The following WDPCP variants were observed in gnomAD, a reference collection of about 807,000 sequenced individuals.
WDPCP encodes WD repeat-containing and planar cell polarity effector protein fritz homolog.
Under a neutral mutation model 93.1 loss-of-function variants are expected in WDPCP, and 71 were observed. The ratio of observed to expected loss-of-function variants is 0.76; its 90% CI spans 0.63 to 0.93. The LOEUF is 0.93. WDPCP is among the 40% of genes least tolerant of loss of function. The probability of loss-of-function intolerance (pLI) is 0.00; values close to 1 mark genes in which losing one functional copy is unlikely to be tolerated. For synonymous variants in WDPCP, 315 were observed against 315.0 expected (o/e 1.00, Z 0.00); for missense variants, 844 against 887.4 (o/e 0.95, Z 0.62).
chr2:63,462,114 T>C (rs866885336), intron 6 of WDPCP, among the ~76,000 whole-genome samples: 9 of 152,310 alleles, frequency 5.9e-5, no homozygotes, highest in South Asian at 2.1e-4. Flanking sequence ...TGTCCATCAA[T>C]GATAGGCTGG....
intron 1 of WDPCP, among the ~76,000 whole-genome samples, chr2:63,513,115 A>T (rs895046169): frequency 8.5e-5 from 13 of 152,140 alleles, no homozygotes; most frequent in African/African-American, 3.1e-4. Flanking sequence ...GAGGCTTCTG[A>T]ACTTACTTAA....
rs181282320 is a variant in WDPCP at position 63,222,514 on chromosome 2, C to G, written c.1915+36793G>C. ...ACCTGCAGTTCTGGTGACAACGTAA[C>G]TCCTCTGTCTCCTCATCTGAGAAGA... is the stretch of plus-strand genomic sequence containing the variant. On this transcript the variant is annotated intron_variant, in intron 14 of 17. Coordinates refer to ENST00000272321, the MANE Select transcript of WDPCP (RefSeq NM_015910.7). Among the ~76,000 whole-genome samples, 20 of 152,318 alleles carry G rather than the reference C, an allele frequency of 1.3e-4. No homozygotes were observed. In the East Asian group the frequency reaches 2.1e-3, roughly 16 times the overall value.
intron 1 of WDPCP, among the ~76,000 whole-genome samples, chr2:63,819,447 A>G (rs1670987148): frequency 6.6e-6 from 1 of 152,112 alleles, no homozygotes; most frequent in African/African-American, 2.4e-5. Context: ...ATAGTCATAA[A>G]CCAGCAGGTG....
chr2:63,196,737 A>G (rs1376479862), intron 14 of WDPCP, among the ~76,000 whole-genome samples: 1 of 152,238 alleles, frequency 6.6e-6, no homozygotes, highest in Non-Finnish European at 1.5e-5. Flanking sequence ...TGTTTAATGT[A>G]GACAAAAGTG....
At chr2:63,382,211 T>A in intron 10 of WDPCP, 117 bp from the exon 11 acceptor site, 1 of 979,444 alleles carries the variant, frequency 1.0e-6, no homozygotes, top group Non-Finnish European at 1.5e-6. Context: ...GCTAGAAATG[T>A]GGGACTGATC....
intron 6 of WDPCP, among the ~76,000 whole-genome samples, chr2:63,460,251 A>G (rs547304679): frequency 6.6e-6 from 1 of 152,282 alleles, no homozygotes; most frequent in Admixed American, 6.5e-5. Context: ...CAGGTACTAC[A>G]TGTTCTTACT....
intron 6 of WDPCP, among the ~76,000 whole-genome samples, chr2:63,469,202 T>A (rs1468197013): frequency 6.6e-6 from 1 of 152,142 alleles, no homozygotes; most frequent in African/African-American, 2.4e-5. Flanking sequence ...ACATAACAGA[T>A]GCTGGTGAGG....
intron 3 of WDPCP, among the ~76,000 whole-genome samples, chr2:63,638,667 T>C (rs1381172291): frequency 6.6e-6 from 1 of 152,028 alleles, no homozygotes; most frequent in African/African-American, 2.4e-5. Context: ...TACATGCCTG[T>C]AGTCCTAGCT....
At chr2:63,811,643 T>C (rs921865232) in intron 2 of WDPCP, among the ~76,000 whole-genome samples, 4 of 151,246 alleles carry the variant, frequency 2.6e-5, no homozygotes, top group African/African-American at 9.7e-5. Context: ...GGAGTACATG[T>C]GCAGGTATGT....
At chr2:63,527,433 C>A (rs1199389477) in intron 1 of WDPCP, among the ~76,000 whole-genome samples, 3 of 145,832 alleles carry the variant, frequency 2.1e-5, no homozygotes, top group African/African-American at 5.0e-5. Flanking sequence ...AGTGTTCTCA[C>A]TGTTCAATTC....
rs146092262 is a variant in WDPCP, at chr2:63,429,645, C to A, written c.825+4100G>T. Among the ~76,000 whole-genome samples, 597 of 152,214 alleles carry A rather than the reference C, an allele frequency of 3.9e-3. 6 individuals carry two copies. Among genetic ancestry groups the A allele is most frequent in the African/African-American group, 0.013 (555 of 41,524 alleles). On this transcript the variant is annotated intron_variant, in intron 9 of 17. Transcript: ENST00000272321. ...TCAAAACCAAAATGAGATACCATCT[C>A]ACACCAGTCAGAATGGCTTTTGTTA...
intron 2 of WDPCP, among the ~76,000 whole-genome samples, chr2:63,780,886 T>C (rs1033989964): frequency 6.6e-6 from 1 of 151,968 alleles, no homozygotes; most frequent in African/African-American, 2.4e-5. Flanking sequence ...TAAAACAAAA[T>C]CCAAAATAAA....
At chr2:63,758,666 C>T (rs191220216) in intron 2 of WDPCP, among the ~76,000 whole-genome samples, 1 of 152,220 alleles carries the variant, frequency 6.6e-6, no homozygotes, top group Non-Finnish European at 1.5e-5. Context: ...TCTCAAACTC[C>T]TGGGCTCAAG....
chr2:63,696,311 A>AG (rs144210363), intron 2 of WDPCP, among the ~76,000 whole-genome samples: 118,348 of 152,048 alleles, frequency 0.78, 47,372 homozygotes, highest in African/African-American at 0.89. Context: ...TACCCCAGCA[A>AG]GTTTCTTCTT....
At chr2:63,566,959 T>C (rs1022792196) in intron 1 of WDPCP, among the ~76,000 whole-genome samples, 4 of 152,112 alleles carry the variant, frequency 2.6e-5, no homozygotes, top group African/African-American at 9.7e-5. Flanking sequence ...AACAGCCAAA[T>C]GCAAGAGATG....
chr2:63,574,893 A>G lies in WDPCP; in HGVS notation c.75+13304T>C, dbSNP rs775427471. On this transcript the variant is annotated intron_variant, in intron 1 of 17. Transcript: ENST00000272321. ...ACTGATTATTTCTCAGTGGATATTC[A>G]TCAGTTTTGCCAGTTTTGCATTCAA... Among the ~76,000 whole-genome samples the G allele has an allele frequency of 3.9e-5, 6 of 152,318 alleles. No homozygotes were observed. In the South Asian group the frequency reaches 1.0e-3, roughly 26 times the overall value.
chr2:63,640,312 G>T (rs187801), intron 3 of WDPCP, among the ~76,000 whole-genome samples: 122,428 of 152,184 alleles, frequency 0.8, 49,910 homozygotes, highest in East Asian at 0.98. Flanking sequence ...CCGGCCAGAT[G>T]TAATGTTAAT....
At chr2:63,228,168 C>CA (rs1022652877) in intron 14 of WDPCP, among the ~76,000 whole-genome samples, 1 of 151,964 alleles carries the variant, frequency 6.6e-6, no homozygotes, top group African/African-American at 2.4e-5. Context: ...TCATGTACAT[C>CA]AGATCACTGC....
At chr2:63,397,528 G>A (rs1197014835) in intron 10 of WDPCP, among the ~76,000 whole-genome samples, 1 of 152,122 alleles carries the variant, frequency 6.6e-6, no homozygotes, top group Admixed American at 6.6e-5. Flanking sequence ...CCTGCACAAA[G>A]TGAGGGCTAA....
Sources: allele counts gnomAD v4.1 joint callset (sites outside exome capture counted in the v4.1 genomes callset), GRCh38; gene constraint gnomAD v4.1.1; transcripts MANE v1.5; gene names NCBI Gene and HGNC (gene_info 2026-07-23, HGNC 2026-07-21).